Variants in CYTH4 observed in about 807,000 individuals in gnomAD.
The protein encoded by CYTH4 is cytohesin-4.
A neutral mutation model predicts 57.5 loss-of-function variants in CYTH4; 22 were observed. That is an observed-to-expected ratio of 0.38 (90% CI 0.27 to 0.55). CYTH4 has a LOEUF of 0.55. CYTH4 is among the 20% of genes least tolerant of loss of function. The pLI is 0.74. For missense variants in CYTH4, 420 were observed against 535.6 expected (o/e 0.78, Z 2.13); for synonymous variants, 186 against 206.5 (o/e 0.90, Z 0.85).
intron 3 of CYTH4, among the ~76,000 whole-genome samples, 163 bp downstream of exon 3, chr22:37,294,887 C>G (rs1207160544): frequency 6.6e-6 from 1 of 152,166 alleles, no homozygotes; most frequent in Admixed American, 6.5e-5. Context: ...AGGGTGGCCC[C>G]GGCCCCATCC....
chr22:37,312,760 T>G (rs1484958036), intron 12 of CYTH4, among the ~76,000 whole-genome samples: 1 of 152,080 alleles, frequency 6.6e-6, no homozygotes, highest in Non-Finnish European at 1.5e-5. Context: ...AAAGCCAAAG[T>G]GTAGGGACTG....
intron 1 of CYTH4, among the ~76,000 whole-genome samples, chr22:37,291,536 G>A (rs757456893): frequency 1.3e-4 from 20 of 152,188 alleles, no homozygotes; most frequent in East Asian, 1.9e-4. Context: ...GTACAGGAGC[G>A]GCCTGGGCAA....
rs1367448854 is a variant in CYTH4, at chr22:37,311,832, G to C, written c.958-188G>C. ...CCACATGTCACGTGGGGACTTTAGGGAGGATGGTGGATTCAGGAGCCTGCC... is the reference window on the plus strand; with the variant it reads ...CCACATGTCACGTGGGGACTTTAGGCAGGATGGTGGATTCAGGAGCCTGCC... On this transcript the variant is annotated intron_variant, in intron 11 of 12. Coordinates refer to ENST00000248901, the MANE Select transcript of CYTH4 (RefSeq NM_013385.5). This position sits in a 1 kb window ranked among gnomAD's most constrained non-coding sequence, Gnocchi z 4.4. 7.7e-6 allele frequency: 6 copies of C among 778,288 alleles called. No homozygotes were observed. The highest frequency in any genetic ancestry group is 5.9e-5 in the Admixed American group (2 of 34,076). 48.2% of individuals were successfully genotyped at this position (778,288 alleles called of 1,614,324 possible).
intron 12 of CYTH4, 95 bp downstream of exon 12, chr22:37,312,269 C>G (rs1929676103): frequency 1.3e-6 from 2 of 1,483,076 alleles, no homozygotes; most frequent in African/African-American, 1.4e-5. Flanking sequence ...AAGGGGCTAA[C>G]TCCAGTCTCT....
At chr22:37,285,365 G>C (rs1377784196) in intron 1 of CYTH4, among the ~76,000 whole-genome samples, 1 of 151,992 alleles carries the variant, frequency 6.6e-6, no homozygotes, top group Non-Finnish European at 1.5e-5. Flanking sequence ...TGGTGGTGGT[G>C]GTGGTGGTAA....
Position 37,299,236 on chromosome 22 carries a change from A to T in CYTH4, c.364A>T (p.Asn122Tyr). 1 of 1,612,050 alleles carries T rather than the reference A, an allele frequency of 6.2e-7. No individual in the cohort carries two copies. Among genetic ancestry groups the T allele is most frequent in the Non-Finnish European group, 8.5e-7 (1 of 1,178,748 alleles). ...GTYLGERDPI[N>Y]LQVLQAFVDC... Reference sequence around the variant, plus strand: ...CGCCTCCTCCCCCAGGGATCCCATCAACCTGCAGGTCCTCCAGGCCTTCGT... The same window carrying T: ...CGCCTCCTCCCCCAGGGATCCCATCTACCTGCAGGTCCTCCAGGCCTTCGT... The change falls in exon 6 of 13, where the codon AAC (asparagine) becomes TAC (tyrosine). Residue 122 changes from asparagine (N) to tyrosine (Y), a missense_variant. Physicochemically the swap from Asn to Tyr is moderately radical, Grantham distance 143 (BLOSUM62 -2). Coordinates refer to ENST00000248901, the MANE Select transcript of CYTH4 (RefSeq NM_013385.5).
At position 37,301,028 on chromosome 22, in the gene CYTH4, A is replaced by AG; in HGVS notation, c.547+13dup. 1 of 1,611,452 alleles carries AG rather than the reference A, an allele frequency of 6.2e-7. No homozygotes were observed. The highest frequency in any genetic ancestry group is 8.5e-7 in the Non-Finnish European group (1 of 1,177,900). On this transcript the variant is annotated intron_variant, in intron 7 of 12. Coordinates refer to ENST00000248901, the MANE Select transcript of CYTH4 (RefSeq NM_013385.5). ...CGTCTTCCAGTCCACAGGTGCCAGG[A>AG]GGGGAGTGGGACCCAGGGCTCCGGG...
chr22:37,303,223 G>T (rs957886750), intron 7 of CYTH4, 31 bp from the exon 8 acceptor site: 1 of 1,612,674 alleles, frequency 6.2e-7, no homozygotes, highest in Admixed American at 1.7e-5. Flanking sequence ...AGTGGCCAGG[G>T]CCAGAACTGT....
chr22:37,313,329 A>G, intron 12 of CYTH4, 110 bp from the exon 13 acceptor site: 2 of 1,100,392 alleles, frequency 1.8e-6, no homozygotes, highest in Non-Finnish European at 2.7e-6. Context: ...CCCGCGGCAG[A>G]GCAGGCTGAC....
intron 7 of CYTH4, 131 bp downstream of exon 7, chr22:37,301,150 A>G (rs1293135706): frequency 4.4e-6 from 3 of 683,812 alleles, no homozygotes; most frequent in Non-Finnish European, 7.4e-6. Flanking sequence ...ATGAGCCCTC[A>G]CTGAGCACTG....
rs1394984057 is a variant in CYTH4, at chr22:37,294,742, G to A, written c.167+18G>A. 4 of 1,613,724 alleles carry A rather than the reference G, an allele frequency of 2.5e-6. No homozygotes were observed. Among genetic ancestry groups the A allele is most frequent in the Non-Finnish European group, 2.5e-6 (3 of 1,179,726 alleles). On this transcript the variant is annotated intron_variant, in intron 3 of 12. Transcript: ENST00000248901. ...GAGGAGAGGTGAGGGGCTTGGGTGG[G>A]GACCCCCAGAAACTGCCATGGTTGC...
At chr22:37,306,732 A>G (rs1314057906) in intron 8 of CYTH4, among the ~76,000 whole-genome samples, 1 of 152,196 alleles carries the variant, frequency 6.6e-6, no homozygotes, top group Non-Finnish European at 1.5e-5. Flanking sequence ...CCCATCTCTC[A>G]GCAACCGCCT....
intron 8 of CYTH4, among the ~76,000 whole-genome samples, chr22:37,308,596 G>T (rs969202733): frequency 3.3e-5 from 5 of 151,722 alleles, no homozygotes; most frequent in African/African-American, 9.7e-5. Flanking sequence ...ATATGTGTCT[G>T]AGTGTGCATG....
chr22:37,292,576 G>A, intron 1 of CYTH4, 45 bp from the exon 2 acceptor site: 1 of 1,601,352 alleles, frequency 6.2e-7, no homozygotes, highest in Non-Finnish European at 8.5e-7. Flanking sequence ...GCAAGTGGGT[G>A]TGGCTGGAGC....
rs905521315 is a variant in CYTH4 at position 37,295,698 on chromosome 22, G to A, written c.168-301G>A. Among the ~76,000 whole-genome samples the A allele has an allele frequency of 1.3e-5, 2 of 152,086 alleles. No individual in the cohort carries two copies. The highest frequency in any genetic ancestry group is 1.5e-5 in the Non-Finnish European group (1 of 68,018). On this transcript the variant is annotated intron_variant, in intron 3 of 12. Transcript: ENST00000248901. This position sits in a 1 kb window ranked among gnomAD's most constrained non-coding sequence, Gnocchi z 4.1. The stretch of plus-strand genomic sequence containing the variant: ...TCCAGCACCTGCGTGCTCAGCCCTC[G>A]CCCCCTCCCCCGGTTTCTTGCACAG...
At chr22:37,310,551 ACAATGGTCT>A (rs1929602012) in intron 9 of CYTH4, among the ~76,000 whole-genome samples, 1 of 152,246 alleles carries the variant, frequency 6.6e-6, no homozygotes, top group Non-Finnish European at 1.5e-5. Flanking sequence ...AATGGGGTTA[ACAATGGTCT>A]CCTCTTCATA....
chr22:37,292,336 C>T lies in CYTH4; in HGVS notation c.20-285C>T, dbSNP rs907132949. 15 of 425,286 alleles carry T rather than the reference C, an allele frequency of 3.5e-5. No homozygotes were observed. In the Admixed American group the frequency reaches 4.6e-4, roughly 13 times the overall value. 26.3% of individuals were successfully genotyped at this position (425,286 alleles called of 1,614,324 possible). A position where few individuals can be genotyped will look rare whatever the true frequency, so the allele number is the denominator to read the frequency against. On this transcript the variant is annotated intron_variant, in intron 1 of 12. Coordinates refer to ENST00000248901, the MANE Select transcript of CYTH4 (RefSeq NM_013385.5). ...AGCAAAAGAGTAGAACAACTGAACT[C>T]TCATGGAGCCGAGAGTCTAGCGGGA... is the stretch of plus-strand genomic sequence containing the variant.
At chr22:37,289,913 C>T (rs1016730488) in intron 1 of CYTH4, among the ~76,000 whole-genome samples, 1 of 152,198 alleles carries the variant, frequency 6.6e-6, no homozygotes, top group African/African-American at 2.4e-5. Flanking sequence ...GCCATTGCTC[C>T]TGCATCCGTT....
At chr22:37,291,742 G>C (rs886400158) in intron 1 of CYTH4, among the ~76,000 whole-genome samples, 5 of 152,246 alleles carry the variant, frequency 3.3e-5, no homozygotes, top group African/African-American at 9.6e-5. Context: ...GAGAAGGAGA[G>C]TGTTGTGGAT....
Sources: gnomAD v4.1 joint callset for allele counts (sites outside exome capture counted in the v4.1 genomes callset) on GRCh38, gnomAD v4.1.1 for gene constraint, Gnocchi (gnomAD v3.1) non-coding constraint, MANE v1.5 for transcripts, NCBI Gene and HGNC (gene_info 2026-07-23, HGNC 2026-07-21) for gene names.